The following PI4KA variants were observed in gnomAD, a reference collection of about 807,000 sequenced individuals.
The protein encoded by PI4KA is PI4-kinase alpha.
PI4KA carries 122 observed loss-of-function variants against 271.4 expected under a neutral mutation model. The observed-to-expected ratio is 0.45, with a 90% CI of 0.39 to 0.52. PI4KA has a LOEUF of 0.52. Among genes scored for constraint, PI4KA ranks in the 20% least tolerant of loss-of-function variants. The probability of loss-of-function intolerance (pLI) is 0.00; values close to 1 mark genes in which losing one functional copy is unlikely to be tolerated. For missense variants in PI4KA, 1,969 were observed against 2,769.1 expected (o/e 0.71, Z 6.48); for synonymous variants, 1,041 against 1,078.8 (o/e 0.96, Z 0.69).
At chr22:20,824,277 CTA>C in intron 4 of PI4KA, 47 bp downstream of exon 4, 1 of 1,149,140 alleles carries the variant, frequency 8.7e-7, no homozygotes, top group Non-Finnish European at 1.3e-6. Context: ...CTTTGGGACT[CTA>C]TTCAATCTAA....
At chr22:20,776,636 C>T (rs1311794217) in intron 19 of PI4KA, among the ~76,000 whole-genome samples, 1 of 152,196 alleles carries the variant, frequency 6.6e-6, no homozygotes, top group Non-Finnish European at 1.5e-5. Flanking sequence ...CATCCTGGTA[C>T]TCCAGAGCGA....
chr22:20,769,759 A>G (rs1362382331), intron 19 of PI4KA, among the ~76,000 whole-genome samples: 1 of 152,190 alleles, frequency 6.6e-6, no homozygotes, highest in Non-Finnish European at 1.5e-5. Flanking sequence ...AATGCGACAC[A>G]TGAAACCCTG....
At chr22:20,775,996 C>T (rs555485413) in intron 19 of PI4KA, among the ~76,000 whole-genome samples, 6 of 152,224 alleles carry the variant, frequency 3.9e-5, no homozygotes, top group African/African-American at 1.4e-4. Context: ...AGAAACTGGG[C>T]CCAGTTCTAT....
At chr22:20,841,925 G>C (rs1318867594) in intron 1 of PI4KA, among the ~76,000 whole-genome samples, 1 of 152,156 alleles carries the variant, frequency 6.6e-6, no homozygotes, top group Non-Finnish European at 1.5e-5. Context: ...TAAAAGGCTT[G>C]GAAATGATGG....
chr22:20,813,566 A>C, intron 7 of PI4KA, 60 bp from the exon 8 acceptor site: 5 of 1,497,662 alleles, frequency 3.3e-6, no homozygotes, highest in Non-Finnish European at 4.6e-6. Context: ...GTACTTCCTC[A>C]AGCTGACTCC....
rs370925787 is a variant in PI4KA at position 20,819,631 on chromosome 22, C to G, written c.789+10G>C. 92 of 1,611,998 alleles carry G rather than the reference C, an allele frequency of 5.7e-5. No homozygotes were observed. Among genetic ancestry groups the G allele is most frequent in the Non-Finnish European group, 7.6e-5 (90 of 1,178,706 alleles). ...TCTCCTCTGCTCTTTCCCCAGTAGC[C>G]CAGGCCCACCTGAGAGATGCTGGAC... On this transcript the variant is annotated intron_variant, in intron 6 of 54. Coordinates refer to ENST00000255882, the MANE Select transcript of PI4KA (RefSeq NM_058004.4).
At chr22:20,746,069 T>G (rs1448116232) in intron 29 of PI4KA, among the ~76,000 whole-genome samples, 1 of 141,936 alleles carries the variant, frequency 7.0e-6, no homozygotes, top group East Asian at 2.0e-4. Flanking sequence ...GAATTTTTTT[T>G]TTTTTTTTTT....
At chr22:20,779,217 A>T (rs754751667) in intron 19 of PI4KA, 11 of 1,603,796 alleles carry the variant, frequency 6.9e-6, no homozygotes, top group Non-Finnish European at 9.3e-6. Flanking sequence ...TCAAAGCCAC[A>T]GGGAACCTGC....
chr22:20,764,964 A>C lies in PI4KA; in HGVS notation c.2575-14T>G. On this transcript the variant is annotated splice_polypyrimidine_tract_variant and intron_variant, in intron 21 of 54. Transcript: ENST00000255882. The stretch of plus-strand genomic sequence containing the variant: ...ACTCAGCTCAGCCTGGAGGGAGAGA[A>C]ACATCCGAGGGCTCATGGGGCATCC... 6.3e-7 allele frequency: 1 copy of C among 1,599,442 alleles called. No individual in the cohort carries two copies. The highest frequency in any genetic ancestry group is 8.6e-7 in the Non-Finnish European group (1 of 1,169,398).
In PI4KA at chr22:20,813,427, G is replaced by C; in HGVS notation, c.936C>G (p.Pro312=). The stretch of plus-strand genomic sequence containing the variant: ...CCTTATATGTGACACCGTTGAAAAG[G>C]GGAGAGACTGAGAAGCTGGAGCTGA... ...STISSSFSVS[P]LFNGVTYKEF... Residue 312 remains proline (P), a synonymous_variant, in exon 8 of 55, where the codon CCC becomes CCG. Coordinates refer to ENST00000255882, the MANE Select transcript of PI4KA (RefSeq NM_058004.4). 1.2e-6 allele frequency: 2 copies of C among 1,613,544 alleles called. No individual in the cohort carries two copies. Among genetic ancestry groups the C allele is most frequent in the Non-Finnish European group, 1.7e-6 (2 of 1,179,516 alleles).
intron 19 of PI4KA, among the ~76,000 whole-genome samples, chr22:20,791,700 G>C (rs1934655630): frequency 6.6e-6 from 1 of 152,168 alleles, no homozygotes; most frequent in Non-Finnish European, 1.5e-5. Context: ...CCAGGCTGCA[G>C]TGGGCTGATA....
chr22:20,812,131 T>C (rs956537413), intron 8 of PI4KA, among the ~76,000 whole-genome samples: 1 of 152,156 alleles, frequency 6.6e-6, no homozygotes, highest in Non-Finnish European at 1.5e-5. Context: ...TTAGAATTTC[T>C]GACATGGTAC....
chr22:20,766,691 C>T (rs1932560118), intron 19 of PI4KA, among the ~76,000 whole-genome samples: 1 of 152,118 alleles, frequency 6.6e-6, no homozygotes, highest in Admixed American at 6.6e-5. Context: ...TTAACTTGTG[C>T]ACGATGCCCA....
intron 12 of PI4KA, among the ~76,000 whole-genome samples, chr22:20,803,703 T>A (rs997704019): frequency 2.0e-5 from 3 of 152,078 alleles, no homozygotes; most frequent in Non-Finnish European, 4.4e-5. Context: ...TCTAATTTTT[T>A]AAATTTTTTG....
chr22:20,726,536 G>C lies in PI4KA; in HGVS notation c.4947C>G (p.Ala1649=). The C allele has an allele frequency of 6.3e-7, 1 of 1,585,864 alleles. No homozygotes were observed. The highest frequency in any genetic ancestry group is 8.6e-7 in the Non-Finnish European group (1 of 1,168,412). The change falls in exon 42 of 55, where the codon GCC becomes GCG. Residue 1649 remains alanine, a synonymous_variant. Transcript: ENST00000255882. ...CAATCTGGGGGATGTAGAAGAGGAT[G>C]GCGTCCTGTGGAGGTGGAGCAGAGT... is the stretch of plus-strand genomic sequence containing the variant. ...VKVLRSFPPD[A]ILFYIPQIVQ... is the part of the protein sequence containing the mutation.
rs5760728 is a variant in PI4KA, at chr22:20,807,276, G to C, written c.1168+86C>G. Reference sequence around the variant, plus strand: ...TTTCAGTGGCCCCAGCAGAAAGTGAGTACCAGTCTGCAACCACTAGCATGC... The same window carrying C: ...TTTCAGTGGCCCCAGCAGAAAGTGACTACCAGTCTGCAACCACTAGCATGC... On this transcript the variant is annotated intron_variant, in intron 10 of 54. Coordinates refer to ENST00000255882, the MANE Select transcript of PI4KA (RefSeq NM_058004.4). 56,225 of 801,340 alleles carry C rather than the reference G, an allele frequency of 0.07. 2,038 individuals carry two copies. Among genetic ancestry groups the C allele is most frequent in the Non-Finnish European group, 0.076 (35,453 of 464,910 alleles). The allele number at this position is 801,340 out of a possible 1,614,324, so 49.6% of individuals were successfully genotyped here. A position where few individuals can be genotyped will look rare whatever the true frequency, so the allele number is the denominator to read the frequency against.
At chr22:20,824,448 G>A (rs1387140110) in intron 3 of PI4KA, 34 bp from the exon 4 acceptor site, 1 of 1,486,262 alleles carries the variant, frequency 6.7e-7, no homozygotes, top group African/African-American at 1.4e-5. Context: ...CAGATAACCA[G>A]GAACCAGATA....
chr22:20,845,207 A>C lies in PI4KA; in HGVS notation c.157-6476T>G, dbSNP rs139957201. ...AAAGACAGGTATCTCAAAGATGTGA[A>C]TTTTGACTGCCAAGGTAAGGAAATG... is the stretch of plus-strand genomic sequence containing the variant. On this transcript the variant is annotated intron_variant, in intron 1 of 54. Coordinates refer to ENST00000255882, the MANE Select transcript of PI4KA (RefSeq NM_058004.4). Among the ~76,000 whole-genome samples, 969 of 152,332 alleles carry C rather than the reference A, an allele frequency of 6.4e-3. 17 individuals carry two copies. Among genetic ancestry groups the C allele is most frequent in the African/African-American group, 0.022 (930 of 41,576 alleles).
intron 19 of PI4KA, among the ~76,000 whole-genome samples, chr22:20,785,649 CA>C (rs976570380): frequency 4.7e-5 from 7 of 147,686 alleles, no homozygotes; most frequent in East Asian, 2.0e-4. Context: ...TCCTTAATTA[CA>C]AAAAAAAAAC....
Sources: gnomAD v4.1 joint callset for allele counts (sites outside exome capture counted in the v4.1 genomes callset) on GRCh38, gnomAD v4.1.1 for gene constraint, MANE v1.5 for transcripts, NCBI Gene and HGNC (gene_info 2026-07-23, HGNC 2026-07-21) for gene names.